Variants in USH2A observed in about 807,000 individuals in gnomAD.
USH2A encodes the protein usherin, also known as Usher syndrome 2A (autosomal recessive, mild).
Under a neutral mutation model 538.9 loss-of-function variants are expected in USH2A, and 443 were observed. The observed-to-expected ratio is 0.82, with a 90% CI of 0.76 to 0.89. USH2A has a LOEUF of 0.89. Ranked by LOEUF, USH2A falls within the 40% of genes least tolerant of loss-of-function variation. The pLI, the probability that USH2A is intolerant of heterozygous loss-of-function variation, is 0.00. For missense variants in USH2A, 6,633 were observed against 6,324.8 expected, an observed-to-expected ratio of 1.05 and a Z score of -1.65; for synonymous variants, 2,413 against 2,273.5, an observed-to-expected ratio of 1.06 and a Z score of -1.75.
chr1:215,656,064 C>T (rs1233280359), intron 64 of USH2A, among the ~76,000 whole-genome samples: 3 of 152,206 alleles, frequency 2.0e-5, no homozygotes, highest in South Asian at 2.1e-4. Flanking sequence ...ACAATTTCCA[C>T]ACTTAACTTG....
chr1:215,625,528 T>A lies in USH2A; in HGVS notation c.*253A>T, dbSNP rs1189378417. ...CAGAACCAAGTGACAATTACATACTTCTTTGTCTTCTACAAAATAAGAGCA... is the reference window on the plus strand; with the variant it reads ...CAGAACCAAGTGACAATTACATACTACTTTGTCTTCTACAAAATAAGAGCA... On this transcript the variant is annotated 3_prime_UTR_variant, in exon 72 of 72. Coordinates refer to ENST00000307340, the MANE Select transcript of USH2A (RefSeq NM_206933.4). 9.5e-6 allele frequency: 5 copies of A among 524,724 alleles called. No homozygotes were observed. Among genetic ancestry groups the A allele is most frequent in the East Asian group, 6.9e-5 (2 of 29,060 alleles). The allele number at this position is 524,724 out of a possible 1,614,324, so 32.5% of individuals were successfully genotyped here.
chr1:216,066,631 G>A (rs929379746), intron 30 of USH2A, among the ~76,000 whole-genome samples: 7 of 152,020 alleles, frequency 4.6e-5, no homozygotes, highest in African/African-American at 1.7e-4. Flanking sequence ...ATATGAATTC[G>A]TTTAATCCCC....
At chr1:215,788,151 G>C (rs1055921128) in intron 51 of USH2A, among the ~76,000 whole-genome samples, 2 of 152,070 alleles carry the variant, frequency 1.3e-5, no homozygotes, top group African/African-American at 4.8e-5. Context: ...AAAAAATGGA[G>C]AAAAATAATA....
chr1:215,832,870 T>C (rs193223834), intron 47 of USH2A, among the ~76,000 whole-genome samples: 11 of 152,016 alleles, frequency 7.2e-5, no homozygotes, highest in African/African-American at 2.6e-4. Flanking sequence ...GTTTAGCAAG[T>C]TTGCTGGATG....
At chr1:216,091,452 C>T (rs916582321) in intron 22 of USH2A, among the ~76,000 whole-genome samples, 3 of 152,016 alleles carry the variant, frequency 2.0e-5, no homozygotes, top group Non-Finnish European at 4.4e-5. Flanking sequence ...TTGGAGATAA[C>T]AATAAAAACT....
rs1656082791 is a variant in USH2A at position 215,627,433 on chromosome 1, C to CTTCCTTCCTTCCTTCTTTCCTTCCTTCT, written c.15519+1380_15519+1381insAGAAGGAAGGAAAGAAGGAAGGAAGGAA. On this transcript the variant is annotated intron_variant, in intron 71 of 71. Coordinates refer to ENST00000307340, the MANE Select transcript of USH2A (RefSeq NM_206933.4). ...CCTTCCTTCCTTCCTTCCTTCCTTCCTTCCTTCCTTCCTTCCTTCCTTCCT... is the reference window on the plus strand; with the variant it reads ...CCTTCCTTCCTTCCTTCCTTCCTTCCTTCCTTCCTTCCTTCTTTCCTTCCTTCTTTCCTTCCTTCCTTCCTTCCTTCCT... Among the ~76,000 whole-genome samples, 7 of 74,758 alleles carry CTTCCTTCCTTCCTTCTTTCCTTCCTTCT rather than the reference C, an allele frequency of 9.4e-5. 1 individual carries two copies. Among genetic ancestry groups the CTTCCTTCCTTCCTTCTTTCCTTCCTTCT allele is most frequent in the African/African-American group, 3.2e-4 (6 of 18,668 alleles). The allele number at this position is 74,758 out of a possible 152,430, so 49.0% of individuals were successfully genotyped here.
At chr1:216,127,103 A>G (rs1210854897) in intron 21 of USH2A, among the ~76,000 whole-genome samples, 1 of 152,222 alleles carries the variant, frequency 6.6e-6, no homozygotes, top group Non-Finnish European at 1.5e-5. Flanking sequence ...CAAATGCTGG[A>G]GTCTCTTAAC....
chr1:216,084,953 A>G, intron 24 of USH2A, 76 bp from the exon 25 acceptor site: 4 of 1,466,866 alleles, frequency 2.7e-6, no homozygotes, highest in Non-Finnish European at 2.8e-6. Context: ...ATGTGCCATT[A>G]AAGTCAAAGA....
intron 37 of USH2A, among the ~76,000 whole-genome samples, chr1:215,947,289 C>T (rs562387168): frequency 3.0e-4 from 45 of 152,260 alleles, no homozygotes; most frequent in African/African-American, 1.1e-3. Flanking sequence ...GGTGGTCTGC[C>T]ACCCTCAGCC....
chr1:216,085,999 TG>T lies in USH2A; in HGVS notation c.4987+719del, dbSNP rs543848145. Among the ~76,000 whole-genome samples the T allele has an allele frequency of 2.0e-5, 3 of 152,266 alleles. No homozygotes were observed. The South Asian group carries it at 6.2e-4, about 32-fold the overall frequency. ...TTTATGTAGTTATATTTTAACTTCC[TG>T]GGAGAGACTTGGGAGGCACCCTGTG... On this transcript the variant is annotated intron_variant, in intron 24 of 71. Coordinates refer to ENST00000307340, the MANE Select transcript of USH2A (RefSeq NM_206933.4).
chr1:216,037,369 C>T (rs891550058), intron 32 of USH2A, among the ~76,000 whole-genome samples: 1 of 151,992 alleles, frequency 6.6e-6, no homozygotes, highest in Non-Finnish European at 1.5e-5. Flanking sequence ...GTTTTTTGGT[C>T]CTCCAGAAAA....
chr1:216,232,699 A>T (rs1238286310), intron 13 of USH2A, among the ~76,000 whole-genome samples: 4 of 152,148 alleles, frequency 2.6e-5, no homozygotes, highest in African/African-American at 9.7e-5. Context: ...ACCAAGTCCT[A>T]TGGATGTTGC....
At chr1:215,990,594 A>AT in intron 35 of USH2A, among the ~76,000 whole-genome samples, 1 of 152,298 alleles carries the variant, frequency 6.6e-6, no homozygotes, top group East Asian at 1.9e-4. Flanking sequence ...TTATGAAGGC[A>AT]TAGAAACAGT....
At chr1:215,997,317 T>C (rs1280596552) in intron 34 of USH2A, among the ~76,000 whole-genome samples, 2 of 152,166 alleles carry the variant, frequency 1.3e-5, no homozygotes, top group African/African-American at 2.4e-5. Flanking sequence ...GCATCAACAC[T>C]ATTCAGCGGC....
At chr1:216,039,621 AG>A (rs1403300721) in intron 32 of USH2A, among the ~76,000 whole-genome samples, 3 of 152,064 alleles carry the variant, frequency 2.0e-5, no homozygotes, top group African/African-American at 7.2e-5. Context: ...GAAAATATCT[AG>A]GTTAAAGTAA....
chr1:215,661,201 AG>A (rs922799438), intron 64 of USH2A, among the ~76,000 whole-genome samples: 4 of 152,288 alleles, frequency 2.6e-5, no homozygotes, highest in African/African-American at 9.6e-5. Context: ...GTTTTTCCCC[AG>A]ATCCATCCTC....
At chr1:215,713,046 A>G (rs908726672) in intron 61 of USH2A, among the ~76,000 whole-genome samples, 5 of 152,154 alleles carry the variant, frequency 3.3e-5, no homozygotes, top group Non-Finnish European at 7.4e-5. Flanking sequence ...ACCTCAGGTG[A>G]TCTGCCCACC....
chr1:215,847,525 G>A (rs1663893126), intron 44 of USH2A, among the ~76,000 whole-genome samples: 1 of 151,812 alleles, frequency 6.6e-6, no homozygotes, highest in Non-Finnish European at 1.5e-5. Context: ...CACACCTGTA[G>A]TCCCAGCTAC....
chr1:216,003,544 T>G (rs546870685), intron 32 of USH2A, among the ~76,000 whole-genome samples: 5 of 152,108 alleles, frequency 3.3e-5, no homozygotes, highest in East Asian at 3.9e-4. Context: ...TGGGAATTTT[T>G]GGGTTGGACC....
Sources: gnomAD v4.1 joint callset for allele counts (sites outside exome capture counted in the v4.1 genomes callset) on GRCh38, gnomAD v4.1.1 for gene constraint, MANE v1.5 for transcripts, NCBI Gene and HGNC (gene_info 2026-07-23, HGNC 2026-07-21) for gene names.